Variants in NEDD4 observed in about 807,000 individuals in gnomAD.
NEDD4 encodes the protein NEDD4 E3 ubiquitin protein ligase, also known as E3 ubiquitin-protein ligase NEDD4.
Under a neutral mutation model 144.9 loss-of-function variants are expected in NEDD4, and 99 were observed. The ratio of observed to expected loss-of-function variants is 0.68; its 90% confidence interval spans 0.58 to 0.81. The LOEUF (loss-of-function observed/expected upper bound fraction) is 0.81, where lower values mean the gene tolerates loss of function less well. NEDD4 is among the 30% of genes least tolerant of loss of function. The pLI is 0.00. For missense variants in NEDD4, 985 were observed against 1,065.9 expected, an observed-to-expected ratio of 0.92 and a Z score of 1.06; for synonymous variants, 318 against 350.6, an observed-to-expected ratio of 0.91 and a Z score of 1.04.
chr15:55,866,334 T>C (rs1310919737), intron 8 of NEDD4, among the ~76,000 whole-genome samples: 8 of 152,104 alleles, frequency 5.3e-5, no homozygotes, highest in African/African-American at 1.9e-4. Flanking sequence ...TGTCTGCCCA[T>C]CCATGTTGAT....
At chr15:55,988,291 A>C (rs2037927583) in intron 1 of NEDD4, among the ~76,000 whole-genome samples, 1 of 111,648 alleles carries the variant, frequency 9.0e-6, no homozygotes, top group Admixed American at 1.1e-4. Flanking sequence ...ACTTGGACAC[A>C]GGAAGGGGAA....
chr15:55,840,051 C>T (rs2033431966), intron 21 of NEDD4, among the ~76,000 whole-genome samples: 3 of 93,596 alleles, frequency 3.2e-5, no homozygotes, highest in Non-Finnish European at 5.9e-5. Flanking sequence ...TAACATTCAT[C>T]ATAAAAGATC....
chr15:55,993,150 G>C (rs1019055286), intron 1 of NEDD4, among the ~76,000 whole-genome samples: 29 of 152,258 alleles, frequency 1.9e-4, no homozygotes, highest in Admixed American at 3.3e-4. Flanking sequence ...CAACGCCTGG[G>C]AGCTCCGCAC....
At chr15:55,907,718 G>A (rs2036145667) in intron 5 of NEDD4, among the ~76,000 whole-genome samples, 4 of 152,214 alleles carry the variant, frequency 2.6e-5, no homozygotes, top group Admixed American at 2.6e-4. Context: ...ACTAGTCTGA[G>A]AATCCCAGCT....
In NEDD4 at chr15:55,829,490, T is replaced by A. The variant is rs2032842669; in HGVS notation, c.*407A>T. On this transcript the variant is annotated 3_prime_UTR_variant, in exon 29 of 29. Transcript: ENST00000435532. ...CAAAATGCATCAAACTTTTCACACA[T>A]GACACGTATCACAAATATTTCACAG... 1 of 156,386 alleles carries A rather than the reference T, an allele frequency of 6.4e-6. No individual in the cohort carries two copies. The highest frequency in any genetic ancestry group is 1.4e-5 in the Non-Finnish European group (1 of 70,324). 9.7% of individuals were successfully genotyped at this position (156,386 alleles called of 1,614,324 possible). A position where few individuals can be genotyped will look rare whatever the true frequency, so the allele number is the denominator to read the frequency against.
chr15:55,937,644 A>T (rs1464111859), intron 4 of NEDD4, among the ~76,000 whole-genome samples: 1 of 152,226 alleles, frequency 6.6e-6, no homozygotes, highest in South Asian at 2.1e-4. Context: ...CCTAATCCTG[A>T]TTTGTCAATT....
chr15:55,967,205 T>C (rs1271347294), intron 1 of NEDD4, among the ~76,000 whole-genome samples: 1 of 152,152 alleles, frequency 6.6e-6, no homozygotes, highest in Non-Finnish European at 1.5e-5. Flanking sequence ...TTGTAATAAC[T>C]ACTTAGAAAA....
intron 4 of NEDD4, among the ~76,000 whole-genome samples, chr15:55,942,110 TC>T (rs1392200750): frequency 2.0e-5 from 3 of 152,072 alleles, no homozygotes; most frequent in Non-Finnish European, 4.4e-5. Context: ...AGTGGTAAAA[TC>T]AACTATTGTG....
chr15:55,977,154 G>C (rs1481783025), intron 1 of NEDD4, among the ~76,000 whole-genome samples: 2 of 152,078 alleles, frequency 1.3e-5, no homozygotes, highest in African/African-American at 4.8e-5. Context: ...AGGAGGCCTC[G>C]CTAAATAAGA....
At chr15:55,947,676 T>G (rs573527738) in intron 4 of NEDD4, among the ~76,000 whole-genome samples, 2 of 152,194 alleles carry the variant, frequency 1.3e-5, no homozygotes, top group Admixed American at 6.5e-5. Context: ...TAATCCAGCA[T>G]ATAAACAGAA....
chr15:55,838,546 T>A lies in NEDD4; in HGVS notation c.2090A>T (p.Asp697Val). 1 of 1,613,034 alleles carries A rather than the reference T, an allele frequency of 6.2e-7. No individual in the cohort carries two copies. The highest frequency in any genetic ancestry group is 8.5e-7 in the Non-Finnish European group (1 of 1,179,464). ...WILENDPTEL[D>V]LRFIIDEELF... is the part of the protein sequence containing the mutation. Reference sequence around the variant, plus strand: ...TTCTTCATCTATGATAAACCTGAGGTCCAATTCTGTTGGGTCATTTTCAAG... The same window carrying A: ...TTCTTCATCTATGATAAACCTGAGGACCAATTCTGTTGGGTCATTTTCAAG... The change falls in exon 22 of 29, where the codon GAC becomes GTC. Residue 697 changes from aspartate (D) to valine (V), a missense_variant. Coordinates refer to ENST00000435532, the MANE Select transcript of NEDD4 (RefSeq NM_006154.4).
At chr15:55,963,803 A>C (rs2037464836) in intron 2 of NEDD4, among the ~76,000 whole-genome samples, 1 of 152,200 alleles carries the variant, frequency 6.6e-6, no homozygotes. Context: ...AAGATATCTT[A>C]CAGCACAGGT....
intron 12 of NEDD4, 103 bp from the exon 13 acceptor site, chr15:55,852,646 C>A (rs2034032407): frequency 2.3e-6 from 2 of 869,774 alleles, no homozygotes; most frequent in Non-Finnish European, 3.5e-6. Flanking sequence ...CAGCCCCAAG[C>A]AACCACTCAT....
intron 27 of NEDD4, among the ~76,000 whole-genome samples, chr15:55,830,964 G>C (rs562009047): frequency 6.6e-6 from 1 of 152,248 alleles, no homozygotes; most frequent in African/African-American, 2.4e-5. Flanking sequence ...TGTCACCCAG[G>C]CTGAAGTAAA....
chr15:55,863,619 C>T (rs1389198920), intron 8 of NEDD4, among the ~76,000 whole-genome samples: 1 of 152,004 alleles, frequency 6.6e-6, no homozygotes, highest in Non-Finnish European at 1.5e-5. Context: ...GACAAAAAAT[C>T]GTTTAAATAA....
chr15:55,927,093 A>AG (rs2036685720), intron 4 of NEDD4, among the ~76,000 whole-genome samples: 1 of 150,492 alleles, frequency 6.6e-6, no homozygotes, highest in Non-Finnish European at 1.5e-5. Flanking sequence ...AAAAAAAAAA[A>AG]AAAAAAGAAA....
chr15:55,916,556 C>T lies in NEDD4; in HGVS notation c.291+8090G>A, dbSNP rs757812783. 7 of 1,614,082 alleles carry T rather than the reference C, an allele frequency of 4.3e-6. No individual in the cohort carries two copies. In the South Asian group the frequency reaches 6.6e-5, roughly 15 times the overall value. On this transcript the variant is annotated intron_variant, in intron 5 of 28. Transcript: ENST00000435532. The stretch of plus-strand genomic sequence containing the variant: ...GAAGATATCCACTGTACCTTGTTGG[C>T]TGTAGTGAAATCTGTAGACAGCTGC...
intron 2 of NEDD4, among the ~76,000 whole-genome samples, 188 bp downstream of exon 2, chr15:55,966,285 T>G (rs1274548018): frequency 6.6e-6 from 1 of 152,236 alleles, no homozygotes; most frequent in African/African-American, 2.4e-5. Flanking sequence ...TTTGTACTTC[T>G]GCCTAATTTC....
intron 5 of NEDD4, among the ~76,000 whole-genome samples, chr15:55,899,810 A>C (rs1378303658): frequency 6.6e-6 from 1 of 152,226 alleles, no homozygotes; most frequent in Non-Finnish European, 1.5e-5. Flanking sequence ...GTAGCTATGG[A>C]GCACAGGAAA....
Sources: allele counts gnomAD v4.1 joint callset (sites outside exome capture counted in the v4.1 genomes callset), GRCh38; gene constraint gnomAD v4.1.1; transcripts MANE v1.5; gene names NCBI Gene and HGNC (gene_info 2026-07-23, HGNC 2026-07-21).